SPOCK1: variants seen among roughly 807,000 people sequenced by gnomAD.
SPOCK1 encodes the protein SPARC (osteonectin), cwcv and kazal like domains proteoglycan 1.
Under a neutral mutation model 55.3 loss-of-function variants are expected in SPOCK1, and 23 were observed. The ratio of observed to expected loss-of-function variants is 0.42; its 90% CI spans 0.30 to 0.59. The LOEUF is 0.59. SPOCK1 is among the 20% of genes least tolerant of loss of function. SPOCK1 has a pLI of 0.22. For synonymous variants in SPOCK1, 226 were observed against 221.0 expected, an observed-to-expected ratio of 1.02 and a Z score of -0.20; for missense variants, 499 against 552.5, an observed-to-expected ratio of 0.90 and a Z score of 0.97.
rs1298732475 is a variant in SPOCK1 at position 137,074,333 on chromosome 5, G to A, written c.475-6504C>T. ...TATATGCTAGGTGATATTATGGAAT[G>A]TTCTTACAGGCATAATACCTACTAA... On this transcript the variant is annotated intron_variant, in intron 5 of 10. Coordinates refer to ENST00000394945, the MANE Select transcript of SPOCK1 (RefSeq NM_004598.4). 2.6e-5 allele frequency among the ~76,000 whole-genome samples: 4 copies of A among 152,174 alleles called. No individual in the cohort carries two copies. In the East Asian group the frequency reaches 7.7e-4, roughly 29 times the overall value.
intron 2 of SPOCK1, among the ~76,000 whole-genome samples, chr5:137,463,857 A>G (rs1753544954): frequency 6.6e-6 from 1 of 152,224 alleles, no homozygotes; most frequent in Non-Finnish European, 1.5e-5. Context: ...CTGAGGCAAG[A>G]GAATCACTTG....
At chr5:137,385,640 T>C (rs1751583350) in intron 2 of SPOCK1, among the ~76,000 whole-genome samples, 2 of 152,358 alleles carry the variant, frequency 1.3e-5, no homozygotes, top group South Asian at 4.1e-4. Context: ...TCCACACTCC[T>C]GCACAGACTT....
At chr5:137,077,068 C>G (rs534292453) in intron 5 of SPOCK1, among the ~76,000 whole-genome samples, 8 of 152,222 alleles carry the variant, frequency 5.3e-5, no homozygotes, top group African/African-American at 1.4e-4. Context: ...GGACTACAGG[C>G]GCCCACCACC....
At chr5:137,363,641 G>A (rs1318426328) in intron 2 of SPOCK1, among the ~76,000 whole-genome samples, 2 of 152,222 alleles carry the variant, frequency 1.3e-5, no homozygotes, top group Non-Finnish European at 1.5e-5. Flanking sequence ...TAGGGTTGGA[G>A]GACGGGGACT....
chr5:137,469,579 T>G (rs1157299668), intron 2 of SPOCK1, among the ~76,000 whole-genome samples: 1 of 152,160 alleles, frequency 6.6e-6, no homozygotes, highest in African/African-American at 2.4e-5. Context: ...TAGAACACCT[T>G]GGAGCCCTTT....
At chr5:137,429,594 C>T (rs1165882017) in intron 2 of SPOCK1, among the ~76,000 whole-genome samples, 1 of 152,192 alleles carries the variant, frequency 6.6e-6, no homozygotes, top group Non-Finnish European at 1.5e-5. Flanking sequence ...TGGCTTAGCA[C>T]ATTCAGCATG....
At chr5:137,172,849 C>T (rs1035864138) in intron 3 of SPOCK1, among the ~76,000 whole-genome samples, 5 of 152,096 alleles carry the variant, frequency 3.3e-5, no homozygotes, top group African/African-American at 9.7e-5. Context: ...ACCCAGGGTC[C>T]CTGCCTCCTG....
intron 2 of SPOCK1, among the ~76,000 whole-genome samples, chr5:137,356,082 C>G (rs1367218673): frequency 6.6e-6 from 1 of 152,188 alleles, no homozygotes; most frequent in Non-Finnish European, 1.5e-5. Flanking sequence ...CCTGAGCTCA[C>G]CCTCAGAGGG....
At chr5:137,098,088 G>C (rs1753189096) in intron 5 of SPOCK1, among the ~76,000 whole-genome samples, 2 of 152,136 alleles carry the variant, frequency 1.3e-5, no homozygotes, top group African/African-American at 4.8e-5. Flanking sequence ...ACTGATAGAT[G>C]GCTTATCAAT....
intron 2 of SPOCK1, among the ~76,000 whole-genome samples, chr5:137,348,792 C>T (rs749565025): frequency 3.0e-4 from 45 of 152,260 alleles, no homozygotes; most frequent in Middle Eastern, 3.4e-3. Flanking sequence ...AGAAAAATAG[C>T]ACAACATCTC....
intron 2 of SPOCK1, among the ~76,000 whole-genome samples, chr5:137,355,085 T>A (rs1750763205): frequency 6.6e-6 from 1 of 152,010 alleles, no homozygotes; most frequent in Non-Finnish European, 1.5e-5. Context: ...TGTATTTTAG[T>A]AGAGATGGGG....
Position 137,203,106 on chromosome 5 carries a change from G to T in SPOCK1, c.233-62412C>A, listed in dbSNP as rs189434601. Reference sequence around the variant, plus strand: ...GCTTAATGAGTACATTACCCTTAATGAAACTTCATTTAGGCTAATGATTAC... The same window carrying T: ...GCTTAATGAGTACATTACCCTTAATTAAACTTCATTTAGGCTAATGATTAC... On this transcript the variant is annotated intron_variant, in intron 3 of 10. Transcript: ENST00000394945. Among the ~76,000 whole-genome samples, 313 of 152,312 alleles carry T rather than the reference G, an allele frequency of 2.1e-3. 2 individuals carry two copies. The highest frequency in any genetic ancestry group is 3.4e-3 in the Middle Eastern group (1 of 294).
intron 6 of SPOCK1, among the ~76,000 whole-genome samples, chr5:137,064,906 C>G (rs1042000384): frequency 6.6e-6 from 1 of 152,146 alleles, no homozygotes; most frequent in Non-Finnish European, 1.5e-5. Flanking sequence ...GTGTTCTTAT[C>G]CTGTAGGAAA....
intron 3 of SPOCK1, among the ~76,000 whole-genome samples, chr5:137,247,870 C>A (rs1756426313): frequency 6.6e-6 from 1 of 152,190 alleles, no homozygotes; most frequent in South Asian, 2.1e-4. Context: ...CTCACAAGAA[C>A]TCACTACCTG....
At chr5:137,478,458 G>A (rs1753881042) in intron 2 of SPOCK1, among the ~76,000 whole-genome samples, 1 of 152,140 alleles carries the variant, frequency 6.6e-6, no homozygotes, top group African/African-American at 2.4e-5. Flanking sequence ...AGTCCCACAT[G>A]TCAGAGACAT....
intron 2 of SPOCK1, among the ~76,000 whole-genome samples, chr5:137,459,480 A>C (rs889444107): frequency 6.0e-5 from 9 of 149,396 alleles, no homozygotes; most frequent in Non-Finnish European, 3.0e-5. Context: ...CATTGCTCAC[A>C]GCTGGAGTTG....
At position 137,301,462 on chromosome 5, in the gene SPOCK1, G is replaced by A. The variant is rs186196093; in HGVS notation, c.187-34407C>T. Among the ~76,000 whole-genome samples the A allele has an allele frequency of 6.2e-4, 94 of 152,216 alleles. No individual in the cohort carries two copies. The East Asian group carries it at 0.017, about 28-fold the overall frequency. On this transcript the variant is annotated intron_variant, in intron 2 of 10. Transcript: ENST00000394945. ...CAGTTGTGAACTCCTTCAGAAGCATGAACAGCTCCATATAAACCTTCCTTC... is the reference window on the plus strand; with the variant it reads ...CAGTTGTGAACTCCTTCAGAAGCATAAACAGCTCCATATAAACCTTCCTTC...
At chr5:137,143,832 T>C (rs17776503) in intron 3 of SPOCK1, among the ~76,000 whole-genome samples, 19,364 of 152,164 alleles carry the variant, frequency 0.13, 1,404 homozygotes, top group East Asian at 0.22. Flanking sequence ...AATGTGCAAG[T>C]CTTAAAAATA....
intron 6 of SPOCK1, among the ~76,000 whole-genome samples, chr5:137,050,362 G>A (rs1449147561): frequency 6.3e-5 from 9 of 142,380 alleles, no homozygotes; most frequent in East Asian, 4.3e-4. Context: ...TTTTTAAGCC[G>A]GTCTGAAAAG....
Sources: gnomAD v4.1 joint callset for allele counts (sites outside exome capture counted in the v4.1 genomes callset) on GRCh38, gnomAD v4.1.1 for gene constraint, MANE v1.5 for transcripts, NCBI Gene and HGNC (gene_info 2026-07-23, HGNC 2026-07-21) for gene names.